CYP19A1: variants seen among roughly 807,000 people sequenced by gnomAD.
CYP19A1 encodes cytochrome P450 family 19 subfamily A member 1.
CYP19A1 carries 32 observed loss-of-function variants against 44.4 expected under a neutral mutation model. That is an observed-to-expected ratio of 0.72 (90% CI 0.54 to 0.97). The LOEUF (loss-of-function observed/expected upper bound fraction) is 0.97. Ranked by LOEUF, CYP19A1 falls within the 50% of genes least tolerant of loss-of-function variation. CYP19A1 has a pLI of 0.00. For missense variants in CYP19A1, 598 were observed against 637.8 expected, an observed-to-expected ratio of 0.94 and a Z score of 0.67; for synonymous variants, 212 against 215.6, an observed-to-expected ratio of 0.98 and a Z score of 0.14.
At chr15:51,283,780 G>A (rs1045042501) in intron 1 of CYP19A1, among the ~76,000 whole-genome samples, 2 of 152,228 alleles carry the variant, frequency 1.3e-5, no homozygotes, top group African/African-American at 2.4e-5. Flanking sequence ...CAGGAAATGG[G>A]AAGAGTGGCC....
chr15:51,260,594 C>A (rs1452897858), intron 1 of CYP19A1, among the ~76,000 whole-genome samples: 1 of 152,166 alleles, frequency 6.6e-6, no homozygotes, highest in African/African-American at 2.4e-5. Context: ...AAGTGAGAGA[C>A]AGAACTAGAT....
chr15:51,308,404 A>G (rs374151944), intron 1 of CYP19A1, among the ~76,000 whole-genome samples: 3 of 152,050 alleles, frequency 2.0e-5, no homozygotes, highest in Non-Finnish European at 4.4e-5. Flanking sequence ...CCTTTGTTTC[A>G]TAGTTAGTTT....
At chr15:51,325,922 T>C (rs548823322) in intron 1 of CYP19A1, among the ~76,000 whole-genome samples, 1 of 151,174 alleles carries the variant, frequency 6.6e-6, no homozygotes, top group East Asian at 1.9e-4. Flanking sequence ...CTACCTTAAA[T>C]GTGCTCAGAA....
chr15:51,218,486 G>T, intron 6 of CYP19A1, 55 bp downstream of exon 6: 2 of 1,564,930 alleles, frequency 1.3e-6, no homozygotes, highest in East Asian at 4.7e-5. Flanking sequence ...AAAGACACAA[G>T]GGAAAAAAAC....
At chr15:51,297,327 C>T (rs1164589725) in intron 1 of CYP19A1, among the ~76,000 whole-genome samples, 1 of 152,226 alleles carries the variant, frequency 6.6e-6, no homozygotes, top group Non-Finnish European at 1.5e-5. Context: ...CACCAGCCTC[C>T]TCTTTAACAG....
chr15:51,310,394 T>C (rs1351180588), intron 1 of CYP19A1, among the ~76,000 whole-genome samples: 3 of 152,212 alleles, frequency 2.0e-5, no homozygotes, highest in African/African-American at 7.2e-5. Flanking sequence ...CCAGCAGTCA[T>C]AGACAGCAAC....
intron 1 of CYP19A1, among the ~76,000 whole-genome samples, chr15:51,285,574 C>G (rs564207656): frequency 6.6e-6 from 1 of 152,322 alleles, no homozygotes; most frequent in Non-Finnish European, 1.5e-5. Flanking sequence ...TAAAACCCCT[C>G]GTGGCCTCTG....
At chr15:51,257,330 G>A (rs1243681992) in intron 1 of CYP19A1, among the ~76,000 whole-genome samples, 1 of 152,208 alleles carries the variant, frequency 6.6e-6, no homozygotes, top group African/African-American at 2.4e-5. Flanking sequence ...TGTGGTCATG[G>A]CCCCAATTCG....
intron 1 of CYP19A1, among the ~76,000 whole-genome samples, chr15:51,245,668 C>T (rs939711736): frequency 6.6e-6 from 1 of 152,136 alleles, no homozygotes; most frequent in African/African-American, 2.4e-5. Flanking sequence ...CTCAAATTTA[C>T]AAGAAAAAAA....
At chr15:51,319,020 T>G (rs1288092321) in intron 1 of CYP19A1, 1 of 152,148 alleles carries the variant, frequency 6.6e-6, no homozygotes, top group Non-Finnish European at 1.5e-5. Flanking sequence ...CAGATGAACC[T>G]CAGCCCCTCT....
At chr15:51,277,503 A>C (rs2035355916) in intron 1 of CYP19A1, 1 of 152,264 alleles carries the variant, frequency 6.6e-6, no homozygotes, top group East Asian at 1.9e-4. Context: ...GAACACTTGC[A>C]ACAAAAGACT....
chr15:51,225,933 C>G (rs903024870), intron 4 of CYP19A1, among the ~76,000 whole-genome samples: 7 of 151,410 alleles, frequency 4.6e-5, no homozygotes, highest in African/African-American at 1.7e-4. Flanking sequence ...ACTGAAAATA[C>G]AAAAAATTAG....
chr15:51,214,903 T>A, intron 8 of CYP19A1, 167 bp downstream of exon 8: 2 of 1,076,768 alleles, frequency 1.9e-6, no homozygotes, highest in Non-Finnish European at 2.6e-6. Flanking sequence ...GAAAGAGCTA[T>A]CTTTTCCGTC....
chr15:51,277,836 CAA>C (rs1293497529), intron 1 of CYP19A1: 1 of 150,180 alleles, frequency 6.7e-6, no homozygotes, highest in African/African-American at 2.5e-5. Context: ...TTAAAAAAAT[CAA>C]AAAGCAGTTA....
At chr15:51,275,818 G>A (rs908093575) in intron 1 of CYP19A1, among the ~76,000 whole-genome samples, 18 of 152,242 alleles carry the variant, frequency 1.2e-4, no homozygotes, top group African/African-American at 3.9e-4. Context: ...GATTGTTTCC[G>A]TTCAGGTAGT....
Position 51,239,863 on chromosome 15 carries a change from C to T in CYP19A1, c.146-2854G>A, listed in dbSNP as rs36075041. ...TGTCAGTTGCCATGCTTTTCTCCCC[C>T]CTAGTTCCCTGCTCTGGGATGTGGT... is the stretch of plus-strand genomic sequence containing the variant. On this transcript the variant is annotated intron_variant, in intron 2 of 9. Coordinates refer to ENST00000396402, the MANE Select transcript of CYP19A1 (RefSeq NM_000103.4). Among the ~76,000 whole-genome samples, 5 of 152,138 alleles carry T rather than the reference C, an allele frequency of 3.3e-5. 1 individual carries two copies. The highest frequency in any genetic ancestry group is 1.3e-4 in the Admixed American group (2 of 15,278).
At chr15:51,273,175 T>C (rs1314748054) in intron 1 of CYP19A1, among the ~76,000 whole-genome samples, 2 of 152,108 alleles carry the variant, frequency 1.3e-5, no homozygotes, top group Non-Finnish European at 2.9e-5. Context: ...GGTCTCGAAC[T>C]CTGGACCTCC....
chr15:51,276,613 GTACA>G (rs1448952928), intron 1 of CYP19A1, among the ~76,000 whole-genome samples: 1 of 152,152 alleles, frequency 6.6e-6, no homozygotes, highest in Non-Finnish European at 1.5e-5. Flanking sequence ...CACACTGCAA[GTACA>G]TACAATTTTA....
chr15:51,250,658 T>C (rs1010595583), intron 1 of CYP19A1, among the ~76,000 whole-genome samples: 1 of 152,194 alleles, frequency 6.6e-6, no homozygotes, highest in Admixed American at 6.5e-5. Context: ...GGGGAGCCTA[T>C]TGAATTGGGG....
Sources: gnomAD v4.1 joint callset for allele counts (sites outside exome capture counted in the v4.1 genomes callset) on GRCh38, gnomAD v4.1.1 for gene constraint, MANE v1.5 for transcripts, NCBI Gene and HGNC (gene_info 2026-07-23, HGNC 2026-07-21) for gene names.